NUBPL: variants seen among roughly 807,000 people sequenced by gnomAD.
The protein encoded by NUBPL is iron-sulfur cluster transfer protein NUBPL.
In NUBPL, 31 loss-of-function variants were observed where a neutral mutation model predicts 45.7. The observed-to-expected ratio is 0.68, with a 90% CI of 0.51 to 0.92. NUBPL has a LOEUF of 0.92. Among genes scored for constraint, NUBPL ranks in the 40% least tolerant of loss-of-function variants. NUBPL has a pLI of 0.00. For missense variants in NUBPL, 401 were observed against 398.7 expected (o/e 1.01, Z -0.05); for synonymous variants, 144 against 140.9 (o/e 1.02, Z -0.15).
intron 6 of NUBPL, among the ~76,000 whole-genome samples, chr14:31,687,123 T>A (rs930756551): frequency 2.0e-5 from 3 of 151,986 alleles, no homozygotes; most frequent in African/African-American, 4.8e-5. Flanking sequence ...AAAAAAAAAA[T>A]TCATTGTGTA....
At chr14:31,812,971 CTCT>C (rs1234259868) in intron 7 of NUBPL, among the ~76,000 whole-genome samples, 1 of 145,470 alleles carries the variant, frequency 6.9e-6, no homozygotes, top group African/African-American at 2.6e-5. Flanking sequence ...TTCTGGATAG[CTCT>C]TGTTAGTTCT....
At chr14:31,639,140 C>A (rs1321639640) in intron 4 of NUBPL, among the ~76,000 whole-genome samples, 1 of 152,172 alleles carries the variant, frequency 6.6e-6, no homozygotes, top group East Asian at 1.9e-4. Flanking sequence ...GAACTGCATT[C>A]CTTTGGAGGA....
rs550055222 is a variant in NUBPL at position 31,690,344 on chromosome 14, G to A, written c.513+16770G>A. On this transcript the variant is annotated intron_variant, in intron 6 of 10. Transcript: ENST00000281081. ...CCTTTTCTGGATTGGGTCCACTGAC[G>A]TGTTTTCCTTGAAGTCAGGAAGTAC... Among the ~76,000 whole-genome samples, 45 of 152,254 alleles carry A rather than the reference G, an allele frequency of 3.0e-4. 1 individual carries two copies. The South Asian group carries it at 9.1e-3, about 31-fold the overall frequency.
rs529135201 is a variant in NUBPL, at chr14:31,686,070, G to A, written c.513+12496G>A. Reference sequence around the variant, plus strand: ...GAGGAATTAAAAAAAAGAGAGATGAGGAGATGAATGATAAGACCCCTGTGT... The same window carrying A: ...GAGGAATTAAAAAAAAGAGAGATGAAGAGATGAATGATAAGACCCCTGTGT... On this transcript the variant is annotated intron_variant, in intron 6 of 10. Transcript: ENST00000281081. 9.2e-5 allele frequency among the ~76,000 whole-genome samples: 14 copies of A among 152,252 alleles called. No individual in the cohort carries two copies. In the South Asian group the frequency reaches 2.7e-3, roughly 29 times the overall value.
intron 8 of NUBPL, chr14:31,844,006 A>G (rs1280286848): frequency 6.6e-6 from 1 of 152,210 alleles, no homozygotes; most frequent in African/African-American, 2.4e-5. Context: ...ACTGGCATAT[A>G]TTAAGAGCTC....
chr14:31,584,663 G>A (rs1345279372), intron 3 of NUBPL, among the ~76,000 whole-genome samples: 1 of 152,110 alleles, frequency 6.6e-6, no homozygotes, highest in Admixed American at 6.5e-5. Context: ...TGTCTCTATA[G>A]ATTTGCCTAT....
chr14:31,570,673 A>G (rs770963919), intron 3 of NUBPL, among the ~76,000 whole-genome samples: 9 of 152,086 alleles, frequency 5.9e-5, no homozygotes, highest in Admixed American at 1.3e-4. Context: ...GTATGTTCCC[A>G]TTGTTCTATT....
intron 10 of NUBPL, among the ~76,000 whole-genome samples, chr14:31,856,333 G>C (rs941759757): frequency 6.6e-6 from 1 of 152,082 alleles, no homozygotes; most frequent in Non-Finnish European, 1.5e-5. Context: ...CCTCCCACCA[G>C]GTTCTTCCCA....
intron 6 of NUBPL, among the ~76,000 whole-genome samples, chr14:31,726,430 A>G (rs748286428): frequency 4.6e-5 from 7 of 152,238 alleles, no homozygotes; most frequent in Non-Finnish European, 7.3e-5. Context: ...TCATAAAAAT[A>G]AATATATTTC....
At chr14:31,765,234 G>A (rs538111851) in intron 6 of NUBPL, among the ~76,000 whole-genome samples, 1 of 152,166 alleles carries the variant, frequency 6.6e-6, no homozygotes, top group East Asian at 1.9e-4. Flanking sequence ...TCCACACTTC[G>A]TTTTAATCTT....
chr14:31,634,658 C>T (rs1210617510), intron 4 of NUBPL, among the ~76,000 whole-genome samples: 6 of 152,098 alleles, frequency 3.9e-5, no homozygotes, highest in South Asian at 2.1e-4. Context: ...CCTGAGGAAT[C>T]GCCACACTGA....
chr14:31,561,953 A>G (rs2033294039), intron 1 of NUBPL, 115 bp from the exon 2 acceptor site: 1 of 972,986 alleles, frequency 1.0e-6, no homozygotes, highest in South Asian at 1.5e-5. Flanking sequence ...GAAGATGAGC[A>G]GAATTAGAAA....
At chr14:31,692,641 T>C (rs2037118920) in intron 6 of NUBPL, among the ~76,000 whole-genome samples, 1 of 152,268 alleles carries the variant, frequency 6.6e-6, no homozygotes, top group South Asian at 2.1e-4. Context: ...TAGCTGATCC[T>C]GCAATAGAAA....
At chr14:31,747,115 T>G (rs1182068744) in intron 6 of NUBPL, among the ~76,000 whole-genome samples, 1 of 144,404 alleles carries the variant, frequency 6.9e-6, no homozygotes, top group Non-Finnish European at 1.5e-5. Context: ...AATTCAGCAG[T>G]AAAGCGATTC....
chr14:31,577,989 A>C (rs1167734055), intron 3 of NUBPL: 2 of 1,288,902 alleles, frequency 1.6e-6, no homozygotes, highest in Admixed American at 4.6e-5. Flanking sequence ...ATCATCTGCC[A>C]CTATTGCCTG....
chr14:31,639,615 T>A (rs2139692224), intron 4 of NUBPL, among the ~76,000 whole-genome samples: 1 of 152,324 alleles, frequency 6.6e-6, no homozygotes, highest in East Asian at 1.9e-4. Flanking sequence ...TCTTCAAAGA[T>A]ATCAGACAGG....
chr14:31,698,026 T>A (rs2037251481), intron 6 of NUBPL, among the ~76,000 whole-genome samples: 1 of 152,180 alleles, frequency 6.6e-6, no homozygotes, highest in Admixed American at 6.5e-5. Flanking sequence ...ATTGGGGACT[T>A]CCAGTACTGG....
rs549102089 is a variant in NUBPL at position 31,627,219 on chromosome 14, G to A, written c.382+27840G>A. On this transcript the variant is annotated intron_variant, in intron 4 of 10. Coordinates refer to ENST00000281081, the MANE Select transcript of NUBPL (RefSeq NM_025152.3). ...GATTTTTTTCCTTTTTAATTTCCCC[G>A]CTTTACTTTTTAAAAAAAAACTTTC... Among the ~76,000 whole-genome samples, 183 of 151,932 alleles carry A rather than the reference G, an allele frequency of 1.2e-3. 1 individual carries two copies. Among genetic ancestry groups the A allele is most frequent in the Non-Finnish European group, 2.4e-3 (160 of 67,960 alleles).
chr14:31,832,000 A>G (rs2040201132), intron 8 of NUBPL, among the ~76,000 whole-genome samples: 1 of 152,234 alleles, frequency 6.6e-6, no homozygotes, highest in Non-Finnish European at 1.5e-5. Flanking sequence ...AAATTGATAC[A>G]GTAAGAGATG....
Sources: gnomAD v4.1 joint callset for allele counts (sites outside exome capture counted in the v4.1 genomes callset) on GRCh38, gnomAD v4.1.1 for gene constraint, MANE v1.5 for transcripts, NCBI Gene and HGNC (gene_info 2026-07-23, HGNC 2026-07-21) for gene names.